Variants in LINGO2 observed in about 807,000 individuals in gnomAD.
The protein encoded by LINGO2 is leucine-rich repeat and immunoglobulin-like domain-containing nogo receptor-interacting protein 2.
LINGO2 carries 14 observed loss-of-function variants against 30.6 expected under a neutral mutation model. The observed-to-expected ratio is 0.46, with a 90% confidence interval of 0.30 to 0.72. The LOEUF is 0.72. LINGO2 is among the 30% of genes least tolerant of loss of function. LINGO2 has a pLI of 0.07. For synonymous variants in LINGO2, 317 were observed against 288.5 expected (o/e 1.10, Z -1.00); for missense variants, 729 against 751.7 (o/e 0.97, Z 0.35).
chr9:28,407,752 A>G (rs549167747), intron 2 of LINGO2, among the ~76,000 whole-genome samples: 49 of 152,162 alleles, frequency 3.2e-4, no homozygotes, highest in African/African-American at 1.2e-3. Context: ...TCAACTGTTA[A>G]CCTTTTCCTT....
At chr9:28,536,666 A>G in intron 1 of LINGO2, among the ~76,000 whole-genome samples, 1 of 152,156 alleles carries the variant, frequency 6.6e-6, no homozygotes, top group Admixed American at 6.6e-5. Context: ...ATAAATATAC[A>G]CTTTTTGTCA....
intron 1 of LINGO2, among the ~76,000 whole-genome samples, chr9:28,588,479 G>A (rs926057660): frequency 6.6e-6 from 1 of 151,884 alleles, no homozygotes; most frequent in African/African-American, 2.4e-5. Context: ...TATACCATAA[G>A]TGTAATATCA....
the LINGO2 span, among the ~76,000 whole-genome samples, chr9:29,046,676 G>A: frequency 6.6e-6 from 1 of 152,038 alleles, no homozygotes; most frequent in Admixed American, 6.6e-5. Flanking sequence ...CCTGGACCCA[G>A]GAAAGAGCAA....
intron 4 of LINGO2, among the ~76,000 whole-genome samples, chr9:28,190,266 AT>A (rs968897380): frequency 6.6e-6 from 1 of 151,832 alleles, no homozygotes. Context: ...ATCTGTTTTT[AT>A]TTTTTTCTCG....
intron 1 of LINGO2, among the ~76,000 whole-genome samples, chr9:28,613,538 T>C (rs547216421): frequency 1.3e-5 from 2 of 152,202 alleles, no homozygotes; most frequent in East Asian, 1.9e-4. Context: ...TACTGATATG[T>C]AGAAATGTCA....
At chr9:28,355,125 T>C (rs965191714) in intron 3 of LINGO2, among the ~76,000 whole-genome samples, 6 of 152,138 alleles carry the variant, frequency 3.9e-5, no homozygotes, top group South Asian at 4.1e-4. Context: ...CTTTTAAACA[T>C]AGCAGTCTAA....
chr9:29,045,660 T>G, the LINGO2 span, among the ~76,000 whole-genome samples: 2 of 151,680 alleles, frequency 1.3e-5, no homozygotes, highest in African/African-American at 4.8e-5. Flanking sequence ...TTTAAAACGG[T>G]TTTTCCTAGG....
chr9:28,442,084 G>A (rs1697700059), intron 2 of LINGO2, among the ~76,000 whole-genome samples: 1 of 151,596 alleles, frequency 6.6e-6, no homozygotes, highest in Non-Finnish European at 1.5e-5. Context: ...TGTTTTGCCT[G>A]TGATCTCGGA....
chr9:28,178,208 A>G (rs1003371896), intron 4 of LINGO2, among the ~76,000 whole-genome samples: 5 of 152,126 alleles, frequency 3.3e-5, no homozygotes, highest in Middle Eastern at 3.2e-3. Flanking sequence ...AAATCAAGCT[A>G]CAGATACCCG....
intron 1 of LINGO2, among the ~76,000 whole-genome samples, chr9:28,553,986 C>T (rs1256335394): frequency 1.3e-5 from 2 of 152,060 alleles, no homozygotes; most frequent in African/African-American, 4.8e-5. Context: ...CCTAAAAGAG[C>T]TGCTGAAGGA....
At chr9:28,051,578 T>C (rs1587772425) in intron 4 of LINGO2, among the ~76,000 whole-genome samples, 1 of 152,058 alleles carries the variant, frequency 6.6e-6, no homozygotes, top group South Asian at 2.1e-4. Context: ...GGTGATTTCA[T>C]CCTAATGATC....
At chr9:28,285,377 G>T in intron 4 of LINGO2, among the ~76,000 whole-genome samples, 1 of 149,958 alleles carries the variant, frequency 6.7e-6, no homozygotes, top group East Asian at 2.0e-4. Context: ...CAAACTCTGA[G>T]AGGACACGTT....
chr9:28,099,218 T>C (rs1190226530), intron 4 of LINGO2, among the ~76,000 whole-genome samples: 9 of 152,186 alleles, frequency 5.9e-5, no homozygotes, highest in African/African-American at 2.2e-4. Flanking sequence ...GCCCCTATTG[T>C]GTGTCCTGGG....
At chr9:28,637,406 T>C (rs1827335255) in intron 1 of LINGO2, among the ~76,000 whole-genome samples, 1 of 152,220 alleles carries the variant, frequency 6.6e-6, no homozygotes, top group African/African-American at 2.4e-5. Context: ...ATAAATTACC[T>C]TGGGAAGTAT....
the LINGO2 span, among the ~76,000 whole-genome samples, chr9:28,790,325 C>CTTT: frequency 7.7e-4 from 82 of 106,268 alleles, 1 homozygote; most frequent in South Asian, 1.1e-3. Context: ...TCTTTTCTTT[C>CTTT]TTTTTTTTTT....
chr9:28,668,891 T>C (rs1190191701), intron 1 of LINGO2, among the ~76,000 whole-genome samples: 3 of 152,076 alleles, frequency 2.0e-5, no homozygotes, highest in Non-Finnish European at 4.4e-5. Context: ...TTCACAAGAT[T>C]GTCAATTTTT....
chr9:28,491,532 C>T (rs114755293), intron 1 of LINGO2, among the ~76,000 whole-genome samples: 11 of 152,254 alleles, frequency 7.2e-5, no homozygotes, highest in Admixed American at 3.9e-4. Context: ...ACCACATGTT[C>T]GGAGTAAGTA....
chr9:27,975,317 A>G (rs1820543357), intron 5 of LINGO2, among the ~76,000 whole-genome samples: 2 of 151,996 alleles, frequency 1.3e-5, no homozygotes, highest in African/African-American at 4.8e-5. Context: ...CCTACTATGT[A>G]GAATTTGGTT....
the LINGO2 span, among the ~76,000 whole-genome samples, chr9:28,988,668 C>T: frequency 6.6e-6 from 1 of 152,174 alleles, no homozygotes; most frequent in East Asian, 1.9e-4. Flanking sequence ...CCAACACGGG[C>T]TTCTTGGGAA....
Sources: gnomAD v4.1 joint callset for allele counts (sites outside exome capture counted in the v4.1 genomes callset) on GRCh38, gnomAD v4.1.1 for gene constraint, MANE v1.5 for transcripts, NCBI Gene and HGNC (gene_info 2026-07-23, HGNC 2026-07-21) for gene names.